The following AFG1L variants were observed in gnomAD, a reference collection of about 807,000 sequenced individuals.
AFG1L encodes AFG1-like ATPase.
Under a neutral mutation model 62.2 loss-of-function variants are expected in AFG1L, and 53 were observed. That is an observed-to-expected ratio of 0.85 (90% confidence interval 0.68 to 1.07). The LOEUF (loss-of-function observed/expected upper bound fraction) is 1.07. Ranked by LOEUF, AFG1L falls within the 50% of genes least tolerant of loss-of-function variation. The pLI, the probability that AFG1L is intolerant of heterozygous loss-of-function variation, is 0.00. For synonymous variants in AFG1L, 228 were observed against 210.3 expected, an observed-to-expected ratio of 1.08 and a Z score of -0.73; for missense variants, 555 against 590.5, an observed-to-expected ratio of 0.94 and a Z score of 0.62.
chr6:108,472,763 T>G (rs1481499237), intron 8 of AFG1L, among the ~76,000 whole-genome samples: 1 of 143,546 alleles, frequency 7.0e-6, no homozygotes, highest in Non-Finnish European at 1.5e-5. Context: ...CCTCCCTCCC[T>G]TCCTTCCTTC....
At chr6:108,328,501 C>T (rs1778145009) in intron 2 of AFG1L, among the ~76,000 whole-genome samples, 2 of 152,098 alleles carry the variant, frequency 1.3e-5, no homozygotes, top group Admixed American at 1.3e-4. Flanking sequence ...CTCCAGCAAG[C>T]CTCACACCTC....
chr6:108,346,612 C>G (rs1363859710), intron 2 of AFG1L, among the ~76,000 whole-genome samples: 1 of 152,274 alleles, frequency 6.6e-6, no homozygotes, highest in Admixed American at 6.5e-5. Flanking sequence ...AAGTGATCCT[C>G]CCACCTCAGC....
intron 7 of AFG1L, among the ~76,000 whole-genome samples, chr6:108,435,632 T>C (rs935746060): frequency 1.3e-5 from 2 of 152,118 alleles, no homozygotes; most frequent in African/African-American, 4.8e-5. Context: ...TGTTTCCTCA[T>C]ATAGACTCGA....
At chr6:108,450,592 G>A (rs536928840) in intron 8 of AFG1L, among the ~76,000 whole-genome samples, 19 of 152,070 alleles carry the variant, frequency 1.2e-4, no homozygotes, top group Non-Finnish European at 2.4e-4. Flanking sequence ...GTGCAGAAGC[G>A]CTTTAGTTTA....
At chr6:108,344,909 A>C (rs1280221515) in intron 2 of AFG1L, 1 of 420,354 alleles carries the variant, frequency 2.4e-6, no homozygotes, top group African/African-American at 2.1e-5. Context: ...TTCAGTTTCC[A>C]GTTTTGCTCT....
intron 7 of AFG1L, among the ~76,000 whole-genome samples, chr6:108,430,121 T>A (rs545480163): frequency 2.1e-3 from 317 of 152,158 alleles, no homozygotes; most frequent in African/African-American, 7.3e-3. Context: ...CTAATTTTTG[T>A]GGTTTTAGTA....
Position 108,477,237 on chromosome 6 carries a change from T to G in AFG1L, c.1007T>G (p.Leu336Arg), listed in dbSNP as rs375557793. 1.1e-5 allele frequency: 18 copies of G among 1,609,528 alleles called. No individual in the cohort carries two copies. The highest frequency in any genetic ancestry group is 1.4e-5 in the Non-Finnish European group (17 of 1,177,008). ...ILKVQGRELRLNKACGTVADC... is the reference protein window; with the variant it reads ...ILKVQGRELRRNKACGTVADC... The stretch of plus-strand genomic sequence containing the variant: ...AAAGTGCAAGGCAGAGAGCTGCGCC[T>G]GAATAAAGCCTGTGGAACCGTTGCC... The change falls in exon 10 of 13, where the codon CTG becomes CGG. Residue 336 changes from leucine (L) to arginine (R), a missense_variant. Physicochemically the swap from Leu to Arg is moderately radical, Grantham distance 102. Coordinates refer to ENST00000368977, the MANE Select transcript of AFG1L (RefSeq NM_145315.5).
At chr6:108,466,665 C>T (rs149263385) in intron 8 of AFG1L, among the ~76,000 whole-genome samples, 51 of 151,410 alleles carry the variant, frequency 3.4e-4, no homozygotes, top group African/African-American at 1.1e-3. Flanking sequence ...CACCAAAAAT[C>T]GATCCTGGCA....
intron 10 of AFG1L, among the ~76,000 whole-genome samples, chr6:108,502,119 C>G (rs1184248823): frequency 6.6e-6 from 1 of 150,560 alleles, no homozygotes; most frequent in Non-Finnish European, 1.5e-5. Flanking sequence ...CTCTGCCTCC[C>G]AGGTTCAAGC....
chr6:108,457,144 T>A (rs1772282845), intron 8 of AFG1L, among the ~76,000 whole-genome samples: 1 of 152,204 alleles, frequency 6.6e-6, no homozygotes, highest in Non-Finnish European at 1.5e-5. Flanking sequence ...GTTACCAGTT[T>A]AATACTATAA....
intron 7 of AFG1L, among the ~76,000 whole-genome samples, chr6:108,441,701 T>TAAAAAAA (rs33913085): frequency 2.6e-4 from 37 of 141,790 alleles, no homozygotes; most frequent in African/African-American, 9.2e-4. Context: ...GAGGTTTATT[T>TAAAAAAA]AAAAAAAAAA....
intron 10 of AFG1L, among the ~76,000 whole-genome samples, chr6:108,483,560 C>T (rs1351032141): frequency 6.6e-6 from 1 of 152,122 alleles, no homozygotes; most frequent in Non-Finnish European, 1.5e-5. Context: ...CCTGAATTTT[C>T]CTTGTTGAGA....
chr6:108,419,892 C>T (rs1272270145), intron 7 of AFG1L, among the ~76,000 whole-genome samples: 1 of 152,054 alleles, frequency 6.6e-6, no homozygotes, highest in South Asian at 2.1e-4. Context: ...GATTATAACC[C>T]TTAGATAAAA....
chr6:108,480,990 A>G (rs1773303583), intron 10 of AFG1L, among the ~76,000 whole-genome samples: 1 of 152,308 alleles, frequency 6.6e-6, no homozygotes, highest in South Asian at 2.1e-4. Flanking sequence ...GTGTGTTGGC[A>G]TACCCACTGG....
intron 7 of AFG1L, among the ~76,000 whole-genome samples, chr6:108,442,827 A>T (rs1771607311): frequency 6.6e-6 from 1 of 152,078 alleles, no homozygotes; most frequent in South Asian, 2.1e-4. Context: ...AACCCCCCTT[A>T]GTCTTGGGGA....
intron 10 of AFG1L, among the ~76,000 whole-genome samples, chr6:108,488,253 C>A (rs956593574): frequency 4.6e-5 from 7 of 152,092 alleles, no homozygotes; most frequent in Non-Finnish European, 1.0e-4. Context: ...GTAGTGGGTA[C>A]CAAGATGTGA....
At chr6:108,430,062 C>T (rs1473028804) in intron 7 of AFG1L, among the ~76,000 whole-genome samples, 2 of 151,972 alleles carry the variant, frequency 1.3e-5, no homozygotes, top group Non-Finnish European at 2.9e-5. Context: ...GTTCTCCTGC[C>T]TCAGCCTCCT....
At chr6:108,499,176 C>T (rs138935383) in intron 10 of AFG1L, among the ~76,000 whole-genome samples, 1,556 of 151,068 alleles carry the variant, frequency 0.01, 31 homozygotes, top group Middle Eastern at 0.041. Flanking sequence ...TCAAGCCATC[C>T]TCTCACCTCA....
intron 7 of AFG1L, among the ~76,000 whole-genome samples, chr6:108,428,459 T>C (rs931260587): frequency 6.6e-6 from 1 of 152,334 alleles, no homozygotes; most frequent in Middle Eastern, 3.4e-3. Flanking sequence ...TTCCTTTGGC[T>C]AGATACCCAA....
Sources: allele counts gnomAD v4.1 joint callset (sites outside exome capture counted in the v4.1 genomes callset), GRCh38; gene constraint gnomAD v4.1.1; transcripts MANE v1.5; gene names NCBI Gene and HGNC (gene_info 2026-07-23, HGNC 2026-07-21).